MMEL1: variants seen among roughly 807,000 people sequenced by gnomAD.
MMEL1 encodes membrane metallo-endopeptidase-like 1.
Under a neutral mutation model 117.1 loss-of-function variants are expected in MMEL1, and 98 were observed. The observed-to-expected ratio is 0.84, with a 90% CI of 0.71 to 0.99. The LOEUF is 0.99. Among genes scored for constraint, MMEL1 ranks in the 50% least tolerant of loss-of-function variants. MMEL1 has a pLI of 0.00. For synonymous variants in MMEL1, 390 were observed against 415.1 expected, an observed-to-expected ratio of 0.94 and a Z score of 0.74; for missense variants, 1,014 against 1,049.1, an observed-to-expected ratio of 0.97 and a Z score of 0.46.
chr1:2,602,085 G>C (rs2100937371), intron 11 of MMEL1, among the ~76,000 whole-genome samples: 1 of 56,866 alleles, frequency 1.8e-5, no homozygotes, highest in African/African-American at 1.2e-4. Context: ...AAGGCCCAGA[G>C]ACAGCACAGT....
rs990905860 is a variant in MMEL1, at chr1:2,594,260, T to C, written c.1747+125A>G. 1.7e-5 allele frequency: 18 copies of C among 1,072,634 alleles called. No homozygotes were observed. In the East Asian group the frequency reaches 2.3e-4, roughly 14 times the overall value. The allele number at this position is 1,072,634 out of a possible 1,614,324, so 66.4% of individuals were successfully genotyped here. A position where few individuals can be genotyped will look rare whatever the true frequency, so the allele number is the denominator to read the frequency against. On this transcript the variant is annotated intron_variant, in intron 18 of 23. Coordinates refer to ENST00000378412, the MANE Select transcript of MMEL1 (RefSeq NM_033467.4). Reference sequence around the variant, plus strand: ...CCCACGGGGGCAGCAAGGGGTGACATAGGAGAATGTTCCAAGAACAGGCTG... The same window carrying C: ...CCCACGGGGGCAGCAAGGGGTGACACAGGAGAATGTTCCAAGAACAGGCTG...
At chr1:2,617,199 G>A (rs999504977) in intron 2 of MMEL1, among the ~76,000 whole-genome samples, 4 of 151,956 alleles carry the variant, frequency 2.6e-5, no homozygotes, top group Non-Finnish European at 5.9e-5. Flanking sequence ...AGGCCGAGGC[G>A]GGCGGATCAC....
At position 2,606,293 on chromosome 1, in the gene MMEL1, G is replaced by A; in HGVS notation, c.705C>T (p.Leu235=). The change falls in exon 8 of 24, where the codon CTC becomes CTT. Residue 235 remains leucine (L), a synonymous_variant. Coordinates refer to ENST00000378412, the MANE Select transcript of MMEL1 (RefSeq NM_033467.4). ...SQFNRRVLID[L]FIWNDDQNSS... ...AGTTCTGGTCGTCGTTCCAGATGAA[G>A]AGGTCGATGAGGACGCGCCTGTTGA... The A allele has an allele frequency of 6.2e-7, 1 of 1,613,226 alleles. No homozygotes were observed. Among genetic ancestry groups the A allele is most frequent in the Non-Finnish European group, 8.5e-7 (1 of 1,179,972 alleles).
At chr1:2,594,120 G>A (rs773188077) in intron 18 of MMEL1, 187 bp from the exon 19 acceptor site, 21 of 838,946 alleles carry the variant, frequency 2.5e-5, no homozygotes, top group Non-Finnish European at 3.2e-5. Context: ...GTGCCTGGCA[G>A]ACCCAGGACC....
chr1:2,615,324 G>T (rs1232450247), intron 2 of MMEL1, among the ~76,000 whole-genome samples: 1 of 152,178 alleles, frequency 6.6e-6, no homozygotes, highest in Non-Finnish European at 1.5e-5. Context: ...TTGAAAGTGT[G>T]CACCTGTGAC....
chr1:2,601,355 AGGGGCTCACAG>A (rs1189775949), intron 11 of MMEL1, among the ~76,000 whole-genome samples: 6 of 152,194 alleles, frequency 3.9e-5, no homozygotes, highest in Non-Finnish European at 1.5e-5. Context: ...CACCAAGACC[AGGGGCTCACAG>A]GGGGCTCTTT....
At chr1:2,628,025 C>A (rs1298721662) in intron 2 of MMEL1, among the ~76,000 whole-genome samples, 2 of 152,206 alleles carry the variant, frequency 1.3e-5, no homozygotes, top group Non-Finnish European at 2.9e-5. Flanking sequence ...AGAAGAGAGG[C>A]CTCCTCCTAC....
intron 4 of MMEL1, among the ~76,000 whole-genome samples, chr1:2,610,742 G>A (rs916638980): frequency 6.6e-6 from 1 of 152,138 alleles, no homozygotes; most frequent in Non-Finnish European, 1.5e-5. Flanking sequence ...ACCAAGAACC[G>A]TCCCTCAAAT....
At chr1:2,592,802 C>T (rs1644760404) in intron 20 of MMEL1, 31 bp downstream of exon 20, 2 of 1,612,566 alleles carry the variant, frequency 1.2e-6, no homozygotes, top group Non-Finnish European at 1.7e-6. Context: ...TCCGGTACCC[C>T]CGCAGCCTGG....
At chr1:2,598,093 C>T (rs1026429901) in intron 13 of MMEL1, 114 bp downstream of exon 13, 6 of 1,011,482 alleles carry the variant, frequency 5.9e-6, no homozygotes, top group East Asian at 4.8e-5. Flanking sequence ...CGCCCTGCCT[C>T]GTCCATGGCT....
intron 2 of MMEL1, among the ~76,000 whole-genome samples, chr1:2,614,705 A>G (rs895811475): frequency 6.6e-6 from 1 of 152,076 alleles, no homozygotes; most frequent in East Asian, 1.9e-4. Flanking sequence ...GCAATAAGCA[A>G]AGAATAGGAC....
At chr1:2,594,233 TC>T in intron 18 of MMEL1, 151 bp downstream of exon 18, 1 of 937,980 alleles carries the variant, frequency 1.1e-6, no homozygotes, top group Non-Finnish European at 1.7e-6. Context: ...GAGTGAGTGT[TC>T]CCCACGGGGG....
chr1:2,631,882 C>A (rs938552136), intron 1 of MMEL1, among the ~76,000 whole-genome samples: 6 of 152,224 alleles, frequency 3.9e-5, no homozygotes, highest in African/African-American at 1.2e-4. Flanking sequence ...ATCACCTCCC[C>A]CTGAGGGGTC....
intron 1 of MMEL1, chr1:2,632,569 A>T: frequency 1.2e-5 from 2 of 172,130 alleles, no homozygotes; most frequent in Non-Finnish European, 1.3e-5. Flanking sequence ...TGAGCCAAGT[A>T]CCCGGGGCAG....
intron 2 of MMEL1, among the ~76,000 whole-genome samples, chr1:2,627,962 C>T (rs1638347622): frequency 6.6e-6 from 1 of 152,212 alleles, no homozygotes; most frequent in African/African-American, 2.4e-5. Flanking sequence ...CCTGGCTGGG[C>T]AGGGAGGGTC....
chr1:2,611,155 A>T, intron 4 of MMEL1, 126 bp downstream of exon 4: 1 of 950,666 alleles, frequency 1.1e-6, no homozygotes, highest in Non-Finnish European at 1.5e-6. Flanking sequence ...AGTCCGGCCC[A>T]CCCGGCTCCA....
intron 2 of MMEL1, among the ~76,000 whole-genome samples, chr1:2,626,778 T>C (rs1316914399): frequency 6.6e-6 from 1 of 152,036 alleles, no homozygotes; most frequent in South Asian, 2.1e-4. Flanking sequence ...GTCGAAAAGA[T>C]AGAAATACAA....
At chr1:2,591,848 G>T in intron 22 of MMEL1, 84 bp downstream of exon 22, 1 of 1,377,004 alleles carries the variant, frequency 7.3e-7, no homozygotes, top group Non-Finnish European at 1.0e-6. Flanking sequence ...GCTGGGCTCT[G>T]GTCCCTGGAG....
chr1:2,603,892 C>A lies in MMEL1; in HGVS notation c.1033G>T (p.Gly345Cys). 1 of 1,613,734 alleles carries A rather than the reference C, an allele frequency of 6.2e-7. No homozygotes were observed. Among genetic ancestry groups the A allele is most frequent in the Non-Finnish European group, 8.5e-7 (1 of 1,179,968 alleles). ...MGLEELQSQF[G>C]LKGFNWTLFI... ...GTGTGGTGTGGCCTCACCTTCAGGCCAAACTGGCTTTGCAGCTCCTCCAGT... is the reference window on the plus strand; with the variant it reads ...GTGTGGTGTGGCCTCACCTTCAGGCAAAACTGGCTTTGCAGCTCCTCCAGT... Residue 345 changes from glycine (G) to cysteine (C), a missense_variant, in exon 11 of 24, where the codon GGC (glycine) becomes TGC (cysteine). Coordinates refer to ENST00000378412, the MANE Select transcript of MMEL1 (RefSeq NM_033467.4).
Sources: allele counts gnomAD v4.1 joint callset (sites outside exome capture counted in the v4.1 genomes callset), GRCh38; gene constraint gnomAD v4.1.1; transcripts MANE v1.5; gene names NCBI Gene and HGNC (gene_info 2026-07-23, HGNC 2026-07-21).